GATA2: variants seen among roughly 807,000 people sequenced by gnomAD.
GATA2 encodes the protein GATA binding protein 2.
In GATA2, 6 loss-of-function variants were observed where a neutral mutation model predicts 35.7. The observed-to-expected ratio is 0.17, with a 90% CI of 0.09 to 0.33. GATA2 has a LOEUF of 0.33. Ranked by LOEUF, GATA2 falls within the 10% of genes least tolerant of loss-of-function variation. The pLI, the probability that GATA2 is intolerant of heterozygous loss-of-function variation, is 1.00. For synonymous variants in GATA2, 313 were observed against 274.9 expected (o/e 1.14, Z -1.37); for missense variants, 541 against 656.6 (o/e 0.82, Z 1.92).
chr3:128,486,569 C>G (rs1308130750), intron 2 of GATA2, among the ~76,000 whole-genome samples: 1 of 152,120 alleles, frequency 6.6e-6, no homozygotes, highest in African/African-American at 2.4e-5. Flanking sequence ...ATAGAAGGAA[C>G]CCCACCGGAC....
chr3:128,492,945 G>GTAGA lies in GATA2; in HGVS notation c.-96_-93dup, dbSNP rs1190074999. 9 of 152,928 alleles carry GTAGA rather than the reference G, an allele frequency of 5.9e-5. No homozygotes were observed. The highest frequency in any genetic ancestry group is 2.2e-4 in the African/African-American group (9 of 41,430). 9.5% of individuals were successfully genotyped at this position (152,928 alleles called of 1,614,324 possible). A position where few individuals can be genotyped will look rare whatever the true frequency, so the allele number is the denominator to read the frequency against. ...CGCCCCCGGGCGGACGGGGCCTGGA[G>GTAGA]TAGAGCTGGGAGCAGGGCGAGGTGC... On this transcript the variant is annotated 5_prime_UTR_variant, in exon 1 of 6. Coordinates refer to ENST00000341105, the MANE Select transcript of GATA2 (RefSeq NM_032638.5).
chr3:128,486,117 G>C lies in GATA2; in HGVS notation c.481C>G (p.Pro161Ala), dbSNP rs34799090. 0.012 allele frequency: 19,391 copies of C among 1,611,704 alleles called. 168 individuals carry two copies. The highest frequency in any genetic ancestry group is 0.015 in the Non-Finnish European group (17,453 of 1,179,350). ...GSGSSVASLTPTAAHSGSHLF... is the reference protein window; with the variant it reads ...GSGSSVASLTATAAHSGSHLF... ...TGGGAGCCAGAGTGGGCTGCTGTAG[G>C]GGTGAGGGAGGCCACTGAGCTCCCG... The change falls in exon 3 of 6, where the codon CCT becomes GCT. Residue 161 changes from proline (P) to alanine (A), a missense_variant. Physicochemically the swap from Pro to Ala is conservative, Grantham distance 27. This residue lies in a region of GATA2 where 389 missense variants were observed against 396.9 expected (regional missense o/e 0.98). Transcript: ENST00000341105.
chr3:128,492,594 C>T (rs114165680), intron 1 of GATA2, among the ~76,000 whole-genome samples: 162 of 152,274 alleles, frequency 1.1e-3, no homozygotes, highest in African/African-American at 3.5e-3. Context: ...AGACAAAGGC[C>T]CCAGTTCGGG....
intron 4 of GATA2, 31 bp downstream of exon 4, chr3:128,483,829 C>T: frequency 6.2e-7 from 1 of 1,614,038 alleles, no homozygotes; most frequent in South Asian, 1.1e-5. Context: ...TGCCCAGCAG[C>T]CCCCTCCCAG....
In GATA2 at chr3:128,483,072, C is replaced by T. The variant is rs369860236; in HGVS notation, c.1017+788G>A. ...AACGCCGCGTCCTCCACCTCTACCC[C>T]CACCCGGGCCTCACCCCGCCCTCGC... On this transcript the variant is annotated intron_variant, in intron 4 of 5. Coordinates refer to ENST00000341105, the MANE Select transcript of GATA2 (RefSeq NM_032638.5). Among the ~76,000 whole-genome samples, 32 of 152,364 alleles carry T rather than the reference C, an allele frequency of 2.1e-4. No homozygotes were observed. The South Asian group carries it at 5.0e-3, about 24-fold the overall frequency.
At position 128,486,996 on chromosome 3, in the gene GATA2, C is replaced by G. The variant is rs768707984; in HGVS notation, c.36G>C (p.Ala12=). The change falls in exon 2 of 6, where the codon GCG becomes GCC. Residue 12 remains alanine (A), a synonymous_variant. Transcript: ENST00000341105. ...GCTGCGCATTCAGCACGGCCGGGTGCGCCATCCAGCGCGGCTGCTCGGGCG... is the reference window on the plus strand; with the variant it reads ...GCTGCGCATTCAGCACGGCCGGGTGGGCCATCCAGCGCGGCTGCTCGGGCG... ...EVAPEQPRWM[A]HPAVLNAQHP... 8 of 1,603,012 alleles carry G rather than the reference C, an allele frequency of 5.0e-6. 1 individual carries two copies. In the South Asian group the frequency reaches 8.9e-5, roughly 18 times the overall value.
intron 2 of GATA2, 68 bp from the exon 3 acceptor site, chr3:128,486,436 C>G (rs2068701295): frequency 6.5e-7 from 1 of 1,546,364 alleles, no homozygotes; most frequent in Non-Finnish European, 8.7e-7. Flanking sequence ...AGGGACGCCC[C>G]TGACAGACAT....
chr3:128,485,088 CG>C (rs1014789404), intron 3 of GATA2, among the ~76,000 whole-genome samples: 1 of 152,106 alleles, frequency 6.6e-6, no homozygotes, highest in Non-Finnish European at 1.5e-5. Context: ...GGAAAAGGGG[CG>C]GGGGCACTGC....
intron 5 of GATA2, 76 bp from the exon 6 acceptor site, chr3:128,481,394 ACCAGAGGCAG>A: frequency 6.5e-7 from 1 of 1,531,552 alleles, no homozygotes. Context: ...CACAGCGTGG[ACCAGAGGCAG>A]GTCAAGCTGA....
At position 128,484,027 on chromosome 3, in the gene GATA2, C is replaced by T. The variant is rs199763820; in HGVS notation, c.872-22G>A. On this transcript the variant is annotated intron_variant, in intron 3 of 5. Coordinates refer to ENST00000341105, the MANE Select transcript of GATA2 (RefSeq NM_032638.5). ...CCTTCTGCAGGGGAACAGGGAGAGA[C>T]ACGGGGGCCTGCTTAACCGGCAAGT... 1.1e-4 allele frequency: 177 copies of T among 1,609,308 alleles called. No individual in the cohort carries two copies. The African/African-American group carries it at 2.2e-3, about 20-fold the overall frequency.
rs2068691024 is a variant in GATA2 at position 128,485,979 on chromosome 3, C to T, written c.619G>A (p.Asp207Asn). The T allele has an allele frequency of 6.2e-7, 1 of 1,614,214 alleles. No individual in the cohort carries two copies. Among genetic ancestry groups the T allele is most frequent in the Non-Finnish European group, 8.5e-7 (1 of 1,180,040 alleles). Residue 207 changes from aspartate (D) to asparagine (N), a missense_variant, in exon 3 of 6, where the codon GAC becomes AAC. By Grantham distance (23) the Asp-to-Asn change is conservative. Coordinates refer to ENST00000341105, the MANE Select transcript of GATA2 (RefSeq NM_032638.5). Reference protein sequence around the residue: ...SAGGSAARGEDKDGVKYQVSL... With the variant: ...SAGGSAARGENKDGVKYQVSL... ...ACCTGGTACTTGACGCCGTCCTTGT[C>T]CTCTCCTCGGGCTGCACTACCCCCC...
intron 1 of GATA2, chr3:128,490,022 TG>T (rs2068752838): frequency 6.6e-6 from 1 of 152,178 alleles, no homozygotes; most frequent in Non-Finnish European, 1.5e-5. Context: ...CCGCGATCGG[TG>T]CCGCGGCTCT....
chr3:128,492,604 GGGCC>G (rs2068791190), intron 1 of GATA2, among the ~76,000 whole-genome samples: 1 of 152,212 alleles, frequency 6.6e-6, no homozygotes, highest in Admixed American at 6.5e-5. Context: ...CCCAGTTCGG[GGGCC>G]GGGAGGCGGG....
chr3:128,486,286 G>A lies in GATA2; in HGVS notation c.312C>T (p.Ala104=). The change falls in exon 3 of 6, where the codon GCC becomes GCT. Residue 104 remains alanine (A), a synonymous_variant. Coordinates refer to ENST00000341105, the MANE Select transcript of GATA2 (RefSeq NM_032638.5). ...GLPWLDGGKA[A]LSAAAAHHHN... is the part of the protein sequence containing the mutation. ...GGTGGTGGGCCGCAGCGGCAGAGAG[G>A]GCTGCTTTGCCCCCGTCCAGCCAGG... The A allele has an allele frequency of 1.3e-6, 2 of 1,583,500 alleles. No homozygotes were observed. The highest frequency in any genetic ancestry group is 1.2e-5 in the South Asian group (1 of 86,502).
chr3:128,486,808 G>C lies in GATA2; in HGVS notation c.224C>G (p.Ala75Gly), dbSNP rs1559987952. 6.2e-7 allele frequency: 1 copy of C among 1,602,820 alleles called. No individual in the cohort carries two copies. Among genetic ancestry groups the C allele is most frequent in the South Asian group, 1.1e-5 (1 of 88,760 alleles). The part of the protein sequence containing the change: ...HARARVSYSP[A>G]HARLTGGQMC... ...ACCACGGGCCCAGTGCTCACCGTGC[G>C]CGGGGCTGTAGGAGACGCGCGCCCG... Residue 75 changes from alanine to glycine, a missense_variant, in exon 2 of 6, where the codon GCG becomes GGG. Transcript: ENST00000341105.
chr3:128,491,332 T>G (rs1258311787), intron 1 of GATA2, among the ~76,000 whole-genome samples: 2 of 152,044 alleles, frequency 1.3e-5, no homozygotes, highest in Non-Finnish European at 2.9e-5. Flanking sequence ...GGCAGCTAAT[T>G]GGCCCGCGGT....
rs552876149 is a variant in GATA2, at chr3:128,486,375, G to A, written c.230-7C>T. On this transcript the variant is annotated splice_region_variant and splice_polypyrimidine_tract_variant and intron_variant, in intron 2 of 5. Coordinates refer to ENST00000341105, the MANE Select transcript of GATA2 (RefSeq NM_032638.5). The stretch of plus-strand genomic sequence containing the variant: ...TGGCCTCCGGTCAGGCGGGCTGCGG[G>A]CAAAGAGAGAGAGGATCAGGGTGGG... The A allele has an allele frequency of 2.5e-6, 4 of 1,597,094 alleles. No homozygotes were observed. Among genetic ancestry groups the A allele is most frequent in the South Asian group, 2.3e-5 (2 of 88,656 alleles).
intron 3 of GATA2, among the ~76,000 whole-genome samples, chr3:128,484,907 G>A (rs1418756701): frequency 6.6e-6 from 1 of 152,168 alleles, no homozygotes; most frequent in Non-Finnish European, 1.5e-5. Context: ...GCAAGAGAAG[G>A]TGGTTCCTGC....
chr3:128,487,913 T>G (rs941728256), intron 1 of GATA2: 4 of 152,434 alleles, frequency 2.6e-5, no homozygotes, highest in Non-Finnish European at 5.9e-5. Context: ...TGGCGCCAGC[T>G]GCCGACTCCT....
Sources: gnomAD v4.1 joint callset for allele counts (sites outside exome capture counted in the v4.1 genomes callset) on GRCh38, gnomAD v4.1.1 for gene constraint, gnomAD v4.1.1 regional missense constraint, MANE v1.5 for transcripts, NCBI Gene and HGNC (gene_info 2026-07-23, HGNC 2026-07-21) for gene names.